The following ITPR2 variants were observed in gnomAD, a reference collection of about 807,000 sequenced individuals.
ITPR2 encodes inositol 1,4,5-trisphosphate-gated calcium channel ITPR2.
A neutral mutation model predicts 317.1 loss-of-function variants in ITPR2; 207 were observed. That is an observed-to-expected ratio of 0.65 (90% CI 0.58 to 0.73). The LOEUF (loss-of-function observed/expected upper bound fraction) is 0.73, where lower values mean the gene tolerates loss of function less well. ITPR2 is among the 30% of genes least tolerant of loss of function. The pLI, the probability that ITPR2 is intolerant of heterozygous loss-of-function variation, is 0.00. For missense variants in ITPR2, 2,613 were observed against 3,284.0 expected (o/e 0.80, Z 4.99); for synonymous variants, 1,156 against 1,149.1 (o/e 1.01, Z -0.12).
At chr12:26,751,626 T>A (rs1949420336) in intron 2 of ITPR2, among the ~76,000 whole-genome samples, 1 of 152,046 alleles carries the variant, frequency 6.6e-6, no homozygotes, top group Non-Finnish European at 1.5e-5. Context: ...TCCCAGCACT[T>A]TGGGAGGCTG....
rs765269420 is a variant in ITPR2, at chr12:26,682,662, A to G, written c.1160T>C (p.Val387Ala). 1.2e-6 allele frequency: 2 copies of G among 1,609,982 alleles called. No homozygotes were observed. Among genetic ancestry groups the G allele is most frequent in the Non-Finnish European group, 1.7e-6 (2 of 1,176,958 alleles). ...ADCLVPRNSY[V>A]RLRHLCTNTW... ...GTTGGTGCATAAATGCCTTAACCGA[A>G]CATATGAGTTCCTAAAAGCAAAACA... The change falls in exon 12 of 57, where the codon GTT (valine) becomes GCT (alanine). Residue 387 changes from valine (V) to alanine (A), a missense_variant. By Grantham distance (64) the Val-to-Ala change is moderately conservative. This residue lies in a region of ITPR2 where 515 missense variants were observed against 789.4 expected (regional missense o/e 0.65). Transcript: ENST00000381340.
At chr12:26,669,896 A>G (rs1253981898) in intron 13 of ITPR2, among the ~76,000 whole-genome samples, 1 of 152,188 alleles carries the variant, frequency 6.6e-6, no homozygotes, top group African/African-American at 2.4e-5. Flanking sequence ...AGGAGATTAC[A>G]TCCCACACAT....
intron 1 of ITPR2, among the ~76,000 whole-genome samples, chr12:26,812,202 C>T (rs920416400): frequency 6.6e-6 from 1 of 150,976 alleles, no homozygotes; most frequent in African/African-American, 2.4e-5. Flanking sequence ...AAAAATAATC[C>T]GTTGGCACTA....
rs1483015549 is a variant in ITPR2 at position 26,438,018 on chromosome 12, G to T, written c.6643+1109C>A. ...GGGTTTCACTGCGTTAGCCAGGATG[G>T]TCTCGATCTCCTGACCTCATGATCT... On this transcript the variant is annotated intron_variant, in intron 47 of 56. Transcript: ENST00000381340. Among the ~76,000 whole-genome samples the T allele has an allele frequency of 3.3e-5, 5 of 152,202 alleles. No homozygotes were observed. The East Asian group carries it at 5.8e-4, about 18-fold the overall frequency.
At chr12:26,682,915 G>A (rs1948062656) in intron 11 of ITPR2, among the ~76,000 whole-genome samples, 1 of 152,138 alleles carries the variant, frequency 6.6e-6, no homozygotes, top group African/African-American at 2.4e-5. Context: ...CATTGCCTGG[G>A]AGCTTGTTAG....
chr12:26,779,449 G>C (rs1950038440), intron 2 of ITPR2, among the ~76,000 whole-genome samples: 1 of 152,184 alleles, frequency 6.6e-6, no homozygotes. Flanking sequence ...GTATAAATGT[G>C]ACTGGGCTCT....
rs531145184 is a variant in ITPR2, at chr12:26,360,556, T to C, written c.7858-20228A>G. Among the ~76,000 whole-genome samples the C allele has an allele frequency of 4.3e-3, 659 of 152,312 alleles. 4 individuals carry two copies. The highest frequency in any genetic ancestry group is 8.7e-3 in the South Asian group (42 of 4,832). On this transcript the variant is annotated intron_variant, in intron 55 of 56. Coordinates refer to ENST00000381340, the MANE Select transcript of ITPR2 (RefSeq NM_002223.4). ...GTTTGTGGCTTCCACATACTGCCAG[T>C]GAATACATGCCTACTTAACTTCAGA...
intron 14 of ITPR2, among the ~76,000 whole-genome samples, chr12:26,665,668 T>C (rs1947609850): frequency 6.6e-6 from 1 of 152,146 alleles, no homozygotes; most frequent in Non-Finnish European, 1.5e-5. Flanking sequence ...AACCTTGAGA[T>C]GCCTGCAGCC....
intron 1 of ITPR2, 93 bp from the exon 2 acceptor site, chr12:26,790,320 G>A (rs1415716245): frequency 3.2e-6 from 3 of 943,170 alleles, no homozygotes; most frequent in Non-Finnish European, 5.0e-6. Context: ...TTTACCAAAA[G>A]TTTTAATACC....
chr12:26,550,268 C>G lies in ITPR2; in HGVS notation c.5052G>C (p.Lys1684Asn), dbSNP rs749983198. 6.7e-7 allele frequency: 1 copy of G among 1,500,400 alleles called. No individual in the cohort carries two copies. Among genetic ancestry groups the G allele is most frequent in the Non-Finnish European group, 9.2e-7 (1 of 1,089,680 alleles). 92.9% of individuals were successfully genotyped at this position (1,500,400 alleles called of 1,614,324 possible). A position where few individuals can be genotyped will look rare whatever the true frequency, so the allele number is the denominator to read the frequency against. The change falls in exon 37 of 57, where the codon AAG becomes AAC. Residue 1684 changes from lysine to asparagine, a missense_variant. Lys to Asn is a moderately conservative substitution (Grantham distance 94, BLOSUM62 0). Transcript: ENST00000381340. ...ATACCTCTTCCACAAAGCTGTCTTT[C>G]TTCTCTAACATTTCTCGTAATGTCT... ...ILQTLREMLE[K>N]KDSFVEEGNT...
chr12:26,759,057 T>C (rs1949582658), intron 2 of ITPR2, among the ~76,000 whole-genome samples: 1 of 152,120 alleles, frequency 6.6e-6, no homozygotes, highest in African/African-American at 2.4e-5. Flanking sequence ...ATATCTCCAG[T>C]GTCTATCACA....
intron 2 of ITPR2, among the ~76,000 whole-genome samples, chr12:26,773,650 G>A (rs1220516189): frequency 6.6e-6 from 1 of 152,186 alleles, no homozygotes; most frequent in Non-Finnish European, 1.5e-5. Context: ...CTTAAACAGT[G>A]GTTCATGAGA....
At chr12:26,622,492 G>T in intron 24 of ITPR2, 87 bp from the exon 25 acceptor site, 1 of 1,053,834 alleles carries the variant, frequency 9.5e-7, no homozygotes, top group Admixed American at 3.2e-5. Context: ...ATTCTCAGAG[G>T]TATATCATTT....
intron 52 of ITPR2, among the ~76,000 whole-genome samples, chr12:26,404,521 G>C (rs7962988): frequency 0.32 from 48,007 of 152,018 alleles, 8,264 homozygotes; most frequent in East Asian, 0.6. Context: ...CAAAAAAATA[G>C]TCACTGGATT....
chr12:26,829,500 C>T (rs1013989201), intron 1 of ITPR2, among the ~76,000 whole-genome samples: 3 of 152,054 alleles, frequency 2.0e-5, no homozygotes, highest in Non-Finnish European at 4.4e-5. Context: ...ACCACCACAC[C>T]TGGCTAATTT....
At chr12:26,433,273 A>G (rs1375316858) in intron 48 of ITPR2, among the ~76,000 whole-genome samples, 16 of 152,154 alleles carry the variant, frequency 1.1e-4, no homozygotes, top group Admixed American at 7.2e-4. Context: ...CTGAGCCTCT[A>G]CATTGGTTAC....
chr12:26,436,464 C>T, intron 47 of ITPR2, 118 bp from the exon 48 acceptor site: 1 of 836,970 alleles, frequency 1.2e-6, no homozygotes, highest in South Asian at 1.8e-5. Context: ...ATTATAAAAA[C>T]CTATTTAAAT....
chr12:26,498,104 A>G (rs987005964), intron 37 of ITPR2, among the ~76,000 whole-genome samples: 6 of 152,110 alleles, frequency 3.9e-5, no homozygotes, highest in African/African-American at 1.4e-4. Flanking sequence ...ACTTTTATTT[A>G]TTGGTACTTA....
chr12:26,480,623 C>T (rs1305344804), intron 43 of ITPR2, among the ~76,000 whole-genome samples: 4 of 152,062 alleles, frequency 2.6e-5, no homozygotes, highest in Non-Finnish European at 4.4e-5. Flanking sequence ...GGGCAGATCA[C>T]GAGGTCAGGA....
Sources: allele counts gnomAD v4.1 joint callset (sites outside exome capture counted in the v4.1 genomes callset), GRCh38; gene constraint gnomAD v4.1.1; regional missense constraint gnomAD v4.1.1; transcripts MANE v1.5; gene names NCBI Gene and HGNC (gene_info 2026-07-23, HGNC 2026-07-21).